Variants in LRMDA observed in about 807,000 individuals in gnomAD.
LRMDA encodes leucine-rich melanocyte differentiation-associated protein.
Under a neutral mutation model 29.8 loss-of-function variants are expected in LRMDA, and 18 were observed. The observed-to-expected ratio is 0.60, with a 90% CI of 0.42 to 0.90. The LOEUF (loss-of-function observed/expected upper bound fraction) is 0.90. Ranked by LOEUF, LRMDA falls within the 40% of genes least tolerant of loss-of-function variation. LRMDA has a pLI of 0.00. For synonymous variants in LRMDA, 125 were observed against 109.4 expected (o/e 1.14, Z -0.89); for missense variants, 273 against 273.9 (o/e 1.00, Z 0.02).
chr10:75,934,065 T>A (rs1846247834), intron 2 of LRMDA, among the ~76,000 whole-genome samples: 1 of 152,188 alleles, frequency 6.6e-6, no homozygotes, highest in African/African-American at 2.4e-5. Flanking sequence ...TGGCCTTAGG[T>A]AAGCTATTCA....
chr10:76,206,293 C>G (rs1446379315), intron 5 of LRMDA, among the ~76,000 whole-genome samples: 1 of 152,190 alleles, frequency 6.6e-6, no homozygotes, highest in Admixed American at 6.5e-5. Context: ...CTTTTTCTCT[C>G]TTTCCTCACA....
At position 76,052,831 on chromosome 10, in the gene LRMDA, C is replaced by G. The variant is rs1292816191; in HGVS notation, c.398+5528C>G. Among the ~76,000 whole-genome samples the G allele has an allele frequency of 3.3e-5, 5 of 152,096 alleles. No homozygotes were observed. In the East Asian group the frequency reaches 7.8e-4, roughly 24 times the overall value. On this transcript the variant is annotated intron_variant, in intron 4 of 6. Coordinates refer to ENST00000611255, the MANE Select transcript of LRMDA (RefSeq NM_001305581.2). ...CAAGAGCACCTCTGACTCTCACCCC[C>G]ACCCCTCACCACCCCCAGCCTTGGG...
chr10:76,052,148 G>A (rs764905805), intron 4 of LRMDA, among the ~76,000 whole-genome samples: 3 of 152,176 alleles, frequency 2.0e-5, no homozygotes, highest in East Asian at 1.9e-4. Context: ...CTCAGGTAGC[G>A]CATCAGTAGC....
chr10:75,790,698 G>A (rs183020751), intron 2 of LRMDA, among the ~76,000 whole-genome samples: 27 of 152,292 alleles, frequency 1.8e-4, no homozygotes, highest in African/African-American at 6.5e-4. Context: ...GATCTGATTT[G>A]GCATACATTT....
chr10:76,426,984 C>T (rs1383531055), intron 6 of LRMDA, among the ~76,000 whole-genome samples: 1 of 152,112 alleles, frequency 6.6e-6, no homozygotes, highest in Non-Finnish European at 1.5e-5. Context: ...GGTACCAGTA[C>T]CATGCTGTTT....
chr10:75,459,724 G>A (rs1844562691), intron 2 of LRMDA, among the ~76,000 whole-genome samples: 1 of 152,154 alleles, frequency 6.6e-6, no homozygotes, highest in Non-Finnish European at 1.5e-5. Flanking sequence ...GAACAGAAAT[G>A]TACTGGCTTA....
At chr10:76,096,345 A>G (rs191284932) in intron 5 of LRMDA, among the ~76,000 whole-genome samples, 3 of 152,098 alleles carry the variant, frequency 2.0e-5, no homozygotes, top group Admixed American at 2.0e-4. Flanking sequence ...GTATACAGAT[A>G]TTGAACTGCT....
At chr10:76,463,825 G>A (rs1297886679) in intron 6 of LRMDA, among the ~76,000 whole-genome samples, 1 of 151,874 alleles carries the variant, frequency 6.6e-6, no homozygotes, top group Non-Finnish European at 1.5e-5. Context: ...GGATGTGAAC[G>A]CTGCAAGAGC....
intron 2 of LRMDA, among the ~76,000 whole-genome samples, chr10:75,980,607 G>A (rs1847151570): frequency 6.6e-6 from 1 of 152,136 alleles, no homozygotes; most frequent in Admixed American, 6.5e-5. Flanking sequence ...AACATGAGCA[G>A]CATGATGCAG....
chr10:75,552,339 G>A (rs1465988045), intron 2 of LRMDA: 1 of 172,350 alleles, frequency 5.8e-6, no homozygotes, highest in African/African-American at 2.4e-5. Flanking sequence ...GTGCTTTAAT[G>A]GTGTCACTCC....
intron 2 of LRMDA, among the ~76,000 whole-genome samples, chr10:75,553,299 G>C (rs1270960380): frequency 1.3e-5 from 2 of 152,172 alleles, no homozygotes; most frequent in African/African-American, 4.8e-5. Context: ...TCCAGTGGTG[G>C]CTTGCTGCTA....
At chr10:76,272,435 G>T (rs1459414524) in intron 5 of LRMDA, among the ~76,000 whole-genome samples, 1 of 152,166 alleles carries the variant, frequency 6.6e-6, no homozygotes, top group Non-Finnish European at 1.5e-5. Flanking sequence ...GACCCAGGTT[G>T]TGTCAGATGT....
At chr10:76,349,327 T>TA (rs1841146959) in intron 6 of LRMDA, among the ~76,000 whole-genome samples, 1 of 152,184 alleles carries the variant, frequency 6.6e-6, no homozygotes, top group African/African-American at 2.4e-5. Flanking sequence ...GGGTTGGCTG[T>TA]GTTCCAATAA....
chr10:76,281,883 T>A (rs558608987), intron 5 of LRMDA, among the ~76,000 whole-genome samples: 2 of 152,176 alleles, frequency 1.3e-5, no homozygotes, highest in Non-Finnish European at 2.9e-5. Context: ...TGCATGATAA[T>A]GAACCCATCA....
chr10:75,468,356 T>G (rs1564778742), intron 2 of LRMDA, among the ~76,000 whole-genome samples: 1 of 152,152 alleles, frequency 6.6e-6, no homozygotes, highest in Non-Finnish European at 1.5e-5. Context: ...AGGACTCCCA[T>G]GCTATCTTCA....
intron 2 of LRMDA, among the ~76,000 whole-genome samples, chr10:75,976,494 C>A (rs1241967175): frequency 6.6e-6 from 1 of 152,056 alleles, no homozygotes; most frequent in Non-Finnish European, 1.5e-5. Flanking sequence ...GTCTGTCTAC[C>A]CCCAGTAGAG....
intron 6 of LRMDA, among the ~76,000 whole-genome samples, chr10:76,534,581 G>GACTTA (rs1019083080): frequency 5.9e-5 from 9 of 152,108 alleles, no homozygotes; most frequent in African/African-American, 1.7e-4. Flanking sequence ...GAAATTTTGG[G>GACTTA]ACTTATTTGT....
chr10:75,539,106 G>A (rs1252899703), intron 2 of LRMDA, among the ~76,000 whole-genome samples: 1 of 152,178 alleles, frequency 6.6e-6, no homozygotes, highest in African/African-American at 2.4e-5. Context: ...AATAGGACTT[G>A]TGTCCAACAA....
At chr10:75,940,682 T>C (rs185952594) in intron 2 of LRMDA, among the ~76,000 whole-genome samples, 49 of 152,308 alleles carry the variant, frequency 3.2e-4, no homozygotes, top group Non-Finnish European at 6.3e-4. Flanking sequence ...ATCCCTGATA[T>C]ACTCAGCAGT....
Sources: allele counts gnomAD v4.1 joint callset (sites outside exome capture counted in the v4.1 genomes callset), GRCh38; gene constraint gnomAD v4.1.1; transcripts MANE v1.5; gene names NCBI Gene and HGNC (gene_info 2026-07-23, HGNC 2026-07-21).